The following GNAL variants were observed in gnomAD, a reference collection of about 807,000 sequenced individuals.
The protein encoded by GNAL is G protein subunit alpha L, also known as guanine nucleotide-binding protein G(olf) subunit alpha.
Under a neutral mutation model 55.1 loss-of-function variants are expected in GNAL, and 18 were observed. That is an observed-to-expected ratio of 0.33 (90% confidence interval 0.23 to 0.48). GNAL has a LOEUF of 0.48. GNAL is among the 20% of genes least tolerant of loss of function. The probability of loss-of-function intolerance (pLI) is 0.99; values close to 1 mark genes in which losing one functional copy is unlikely to be tolerated. For missense variants in GNAL, 412 were observed against 614.1 expected (o/e 0.67, Z 3.48); for synonymous variants, 253 against 237.0 (o/e 1.07, Z -0.62).
At chr18:11,736,058 A>C (rs2032455936) in intron 1 of GNAL, among the ~76,000 whole-genome samples, 1 of 152,138 alleles carries the variant, frequency 6.6e-6, no homozygotes, top group Admixed American at 6.5e-5. Context: ...TACATCTCCA[A>C]ATCTAGTCTA....
intron 4 of GNAL, among the ~76,000 whole-genome samples, chr18:11,771,462 T>C (rs2033633612): frequency 6.6e-6 from 1 of 152,176 alleles, no homozygotes; most frequent in African/African-American, 2.4e-5. Context: ...GGAACTATGT[T>C]CAGCATTGGA....
intron 1 of GNAL, among the ~76,000 whole-genome samples, chr18:11,721,191 C>T (rs976790189): frequency 7.9e-5 from 12 of 152,166 alleles, no homozygotes; most frequent in African/African-American, 2.4e-4. Context: ...ATGAAACTGA[C>T]GATGTTCACA....
intron 5 of GNAL, chr18:11,852,931 T>C (rs1325909442): frequency 1.2e-5 from 2 of 167,030 alleles, no homozygotes; most frequent in Non-Finnish European, 2.9e-5. Context: ...TCTAACAAGT[T>C]TATAGTTATT....
intron 5 of GNAL, among the ~76,000 whole-genome samples, chr18:11,861,977 C>CAG (rs1164959889): frequency 1.3e-5 from 2 of 151,532 alleles, no homozygotes; most frequent in African/African-American, 4.8e-5. Flanking sequence ...CACACACACA[C>CAG]ACACACACAC....
At chr18:11,788,945 A>G (rs369019350) in intron 4 of GNAL, among the ~76,000 whole-genome samples, 9 of 143,712 alleles carry the variant, frequency 6.3e-5, no homozygotes, top group Admixed American at 4.1e-4. Flanking sequence ...ATACACATAT[A>G]TATCAAAAGT....
intron 11 of GNAL, among the ~76,000 whole-genome samples, chr18:11,877,322 G>A (rs1026706407): frequency 1.3e-5 from 2 of 152,108 alleles, no homozygotes; most frequent in African/African-American, 4.8e-5. Context: ...GGGTGTGGTG[G>A]CATGCGCCTG....
intron 4 of GNAL, among the ~76,000 whole-genome samples, chr18:11,818,209 G>A (rs2035008420): frequency 6.6e-6 from 1 of 152,056 alleles, no homozygotes. Context: ...ATTTCAGGAT[G>A]GACAGAAATT....
intron 5 of GNAL, among the ~76,000 whole-genome samples, chr18:11,860,120 T>C (rs2036098390): frequency 6.6e-6 from 1 of 152,206 alleles, no homozygotes; most frequent in Non-Finnish European, 1.5e-5. Context: ...TCCCTTGGCT[T>C]CCAGGGAAAT....
intron 4 of GNAL, among the ~76,000 whole-genome samples, chr18:11,768,302 G>A (rs1242122686): frequency 6.6e-6 from 1 of 152,136 alleles, no homozygotes. Flanking sequence ...AAGGATGTCT[G>A]TAATATATAA....
At chr18:11,840,584 AC>A (rs1489649502) in intron 5 of GNAL, among the ~76,000 whole-genome samples, 1 of 152,028 alleles carries the variant, frequency 6.6e-6, no homozygotes, top group African/African-American at 2.4e-5. Context: ...TATCTGGGGC[AC>A]CCCCTCTGAG....
At position 11,872,331 on chromosome 18, in the gene GNAL, C is replaced by G. The variant is rs766719833; in HGVS notation, c.1095C>G (p.Val365=). ...LNKQDMLAEK[V]LAGKSKIEDY... is the part of the protein sequence containing the mutation. ...AACAAGATATGCTGGCAGAAAAAGT[C>G]TTGGCAGGGAAATCAAAAATTGAAG... is the stretch of plus-strand genomic sequence containing the variant. The change falls in exon 10 of 12, where the codon GTC becomes GTG. Residue 365 remains valine (V), a synonymous_variant. Coordinates refer to ENST00000334049, the MANE Select transcript of GNAL (RefSeq NM_182978.4). The G allele has an allele frequency of 5.1e-6, 8 of 1,576,464 alleles. No homozygotes were observed. The highest frequency in any genetic ancestry group is 6.9e-6 in the Non-Finnish European group (8 of 1,163,734).
At chr18:11,862,138 G>A (rs1205673327) in intron 5 of GNAL, among the ~76,000 whole-genome samples, 1 of 152,012 alleles carries the variant, frequency 6.6e-6, no homozygotes, top group East Asian at 1.9e-4. Context: ...CCCCAGCGCT[G>A]TGGCAGTGGA....
rs772096160 is a variant in GNAL at position 11,851,707 on chromosome 18, T to C, written c.723-10688T>C. ...CCAGAAGAACCAGGCGGTGAATTTCTTGAGAATGAGTGCGCGAGTCGATGC... is the reference window on the plus strand; with the variant it reads ...CCAGAAGAACCAGGCGGTGAATTTCCTGAGAATGAGTGCGCGAGTCGATGC... On this transcript the variant is annotated intron_variant, in intron 5 of 11. Coordinates refer to ENST00000334049, the MANE Select transcript of GNAL (RefSeq NM_182978.4). The C allele has an allele frequency of 2.5e-6, 4 of 1,614,006 alleles. No homozygotes were observed. In the East Asian group the frequency reaches 6.7e-5, roughly 27 times the overall value.
chr18:11,728,478 C>T (rs2032264231), intron 1 of GNAL, among the ~76,000 whole-genome samples: 1 of 152,190 alleles, frequency 6.6e-6, no homozygotes, highest in Admixed American at 6.5e-5. Context: ...CTTCCAGGAG[C>T]TCCACCTTCA....
chr18:11,822,808 C>CT (rs56387710), intron 4 of GNAL, among the ~76,000 whole-genome samples: 31 of 139,942 alleles, frequency 2.2e-4, no homozygotes, highest in Non-Finnish European at 1.8e-4. Context: ...TATTGTTTTT[C>CT]TTTTTTTTTT....
intron 4 of GNAL, among the ~76,000 whole-genome samples, chr18:11,788,755 G>T (rs908413835): frequency 6.6e-6 from 1 of 150,596 alleles, no homozygotes. Context: ...AAATTAGCTG[G>T]GTGTGGTGGC....
intron 1 of GNAL, among the ~76,000 whole-genome samples, chr18:11,720,168 C>A (rs896505214): frequency 1.3e-5 from 2 of 152,158 alleles, no homozygotes; most frequent in Non-Finnish European, 2.9e-5. Flanking sequence ...CAAGAGTTAG[C>A]AGACTGTTTC....
chr18:11,758,340 A>G (rs569632441), intron 4 of GNAL, among the ~76,000 whole-genome samples: 5 of 152,182 alleles, frequency 3.3e-5, no homozygotes, highest in Non-Finnish European at 7.4e-5. Flanking sequence ...TAGTTTTGCA[A>G]TTATCCATAA....
chr18:11,794,192 T>G (rs1201994580), intron 4 of GNAL, among the ~76,000 whole-genome samples: 1 of 152,238 alleles, frequency 6.6e-6, no homozygotes, highest in Non-Finnish European at 1.5e-5. Flanking sequence ...ACAGTTTGGT[T>G]GTTTCTCAAA....
Sources: gnomAD v4.1 joint callset for allele counts (sites outside exome capture counted in the v4.1 genomes callset) on GRCh38, gnomAD v4.1.1 for gene constraint, MANE v1.5 for transcripts, NCBI Gene and HGNC (gene_info 2026-07-23, HGNC 2026-07-21) for gene names.